GNA14: variants seen among roughly 807,000 people sequenced by gnomAD.
The protein encoded by GNA14 is guanine nucleotide-binding protein subunit alpha-14.
GNA14 carries 50 observed loss-of-function variants against 42.0 expected under a neutral mutation model. The observed-to-expected ratio is 1.19, with a 90% CI of 0.95 to 1.51. GNA14 has a LOEUF of 1.51. GNA14 is among the 40% of genes most tolerant of loss of function. The probability of loss-of-function intolerance (pLI) is 0.00; values close to 1 mark genes in which losing one functional copy is unlikely to be tolerated. For missense variants in GNA14, 473 were observed against 446.2 expected (o/e 1.06, Z -0.54); for synonymous variants, 173 against 163.1 (o/e 1.06, Z -0.46).
chr9:77,505,471 C>A (rs1476213515), intron 2 of GNA14, among the ~76,000 whole-genome samples: 1 of 152,190 alleles, frequency 6.6e-6, no homozygotes, highest in African/African-American at 2.4e-5. Flanking sequence ...CTCTCTCCTC[C>A]ATTTCCCTGC....
At chr9:77,458,682 T>C (rs976303413) in intron 2 of GNA14, among the ~76,000 whole-genome samples, 6 of 152,206 alleles carry the variant, frequency 3.9e-5, no homozygotes, top group African/African-American at 1.4e-4. Context: ...AGAGTAAAGA[T>C]ACTAAAGAAA....
At chr9:77,623,243 A>C (rs1285539309) in intron 1 of GNA14, among the ~76,000 whole-genome samples, 16 of 132,066 alleles carry the variant, frequency 1.2e-4, no homozygotes, top group African/African-American at 5.5e-4. Flanking sequence ...AAAAAAAAAA[A>C]AAAAAAAAAA....
chr9:77,434,306 T>G, intron 3 of GNA14, 62 bp downstream of exon 3: 1 of 1,489,320 alleles, frequency 6.7e-7, no homozygotes. Context: ...AGAAACTTCT[T>G]TGAAGTGTGG....
chr9:77,527,664 G>A (rs1837461594), intron 2 of GNA14, among the ~76,000 whole-genome samples: 1 of 151,952 alleles, frequency 6.6e-6, no homozygotes, highest in South Asian at 2.1e-4. Context: ...ACGGAGTTTC[G>A]CTCTTGTTGC....
chr9:77,435,128 G>A (rs1409586165), intron 2 of GNA14, among the ~76,000 whole-genome samples: 1 of 151,658 alleles, frequency 6.6e-6, no homozygotes, highest in African/African-American at 2.4e-5. Flanking sequence ...GGAGGCCGAG[G>A]CGGGCCGATC....
At chr9:77,548,958 T>C (rs1032007515) in intron 1 of GNA14, among the ~76,000 whole-genome samples, 2 of 152,102 alleles carry the variant, frequency 1.3e-5, no homozygotes, top group African/African-American at 4.8e-5. Context: ...TTTTTTTTTC[T>C]AAGACAGAGT....
chr9:77,439,660 C>A (rs554059892), intron 2 of GNA14, among the ~76,000 whole-genome samples: 2 of 152,084 alleles, frequency 1.3e-5, no homozygotes, highest in Non-Finnish European at 2.9e-5. Context: ...ATGATGATGA[C>A]CCAAAAGAGT....
intron 2 of GNA14, among the ~76,000 whole-genome samples, chr9:77,493,022 A>ATATATAT (rs1183078215): frequency 6.8e-4 from 51 of 74,918 alleles, no homozygotes; most frequent in African/African-American, 2.3e-3. Flanking sequence ...AAAAAAAAAA[A>ATATATAT]AAAAATATAT....
At chr9:77,437,998 C>G (rs1369090891) in intron 2 of GNA14, among the ~76,000 whole-genome samples, 12 of 152,098 alleles carry the variant, frequency 7.9e-5, no homozygotes, top group Admixed American at 7.9e-4. Context: ...AGTGAGATAT[C>G]AAAGAGGAAA....
intron 1 of GNA14, among the ~76,000 whole-genome samples, chr9:77,586,239 A>G (rs1823299596): frequency 6.6e-6 from 1 of 152,206 alleles, no homozygotes; most frequent in South Asian, 2.1e-4. Flanking sequence ...GGGGTCTAGC[A>G]TCCAAAATAT....
chr9:77,607,271 G>A (rs192970959), intron 1 of GNA14, among the ~76,000 whole-genome samples: 8 of 152,282 alleles, frequency 5.3e-5, no homozygotes, highest in South Asian at 2.1e-4. Context: ...TCACACAGAC[G>A]AGAGATGCCA....
chr9:77,498,974 G>C (rs1020395620), intron 2 of GNA14, among the ~76,000 whole-genome samples: 3 of 152,194 alleles, frequency 2.0e-5, no homozygotes, highest in Non-Finnish European at 4.4e-5. Context: ...CAGCTGTGAG[G>C]AATTACATGA....
intron 2 of GNA14, among the ~76,000 whole-genome samples, chr9:77,479,135 C>G (rs555449735): frequency 6.6e-6 from 1 of 151,996 alleles, no homozygotes; most frequent in Non-Finnish European, 1.5e-5. Context: ...AGGTTTTCTT[C>G]TAGGGTTTTT....
At chr9:77,458,844 T>C (rs1836053648) in intron 2 of GNA14, among the ~76,000 whole-genome samples, 1 of 148,526 alleles carries the variant, frequency 6.7e-6, no homozygotes, top group Non-Finnish European at 1.5e-5. Flanking sequence ...TACTGTGCTT[T>C]CCAGAGTTCC....
chr9:77,432,083 T>C (rs1044451042), intron 3 of GNA14, among the ~76,000 whole-genome samples: 18 of 150,912 alleles, frequency 1.2e-4, no homozygotes, highest in African/African-American at 4.1e-4. Context: ...ATTTTTTTTT[T>C]CTGTAGTAAA....
chr9:77,490,370 G>A lies in GNA14; in HGVS notation c.309+38699C>T, dbSNP rs748720635. On this transcript the variant is annotated intron_variant, in intron 2 of 6. Coordinates refer to ENST00000341700, the MANE Select transcript of GNA14 (RefSeq NM_004297.4). ...GCAGGTGGAGCTGCCTGCCTGTCCC[G>A]TGCCATGCGCTCGCACTCCTCAGCC... Among the ~76,000 whole-genome samples, 6 of 152,218 alleles carry A rather than the reference G, an allele frequency of 3.9e-5. No homozygotes were observed. In the South Asian group the frequency reaches 6.2e-4, roughly 16 times the overall value.
chr9:77,608,734 T>TTTTTG (rs1554703072), intron 1 of GNA14, among the ~76,000 whole-genome samples: 1 of 126,632 alleles, frequency 7.9e-6, no homozygotes, highest in African/African-American at 4.8e-5. Context: ...AATATCCTGT[T>TTTTTG]TTTTTTTTTT....
chr9:77,479,536 G>A (rs1219108360), intron 2 of GNA14, among the ~76,000 whole-genome samples: 1 of 152,172 alleles, frequency 6.6e-6, no homozygotes, highest in East Asian at 1.9e-4. Flanking sequence ...GAACTTTAAA[G>A]TAGTTTTATC....
intron 2 of GNA14, among the ~76,000 whole-genome samples, chr9:77,523,057 C>G (rs1837382580): frequency 6.6e-6 from 1 of 152,168 alleles, no homozygotes; most frequent in African/African-American, 2.4e-5. Flanking sequence ...GAGTAAAATG[C>G]TTTCTGAAGA....
Sources: allele counts gnomAD v4.1 joint callset (sites outside exome capture counted in the v4.1 genomes callset), GRCh38; gene constraint gnomAD v4.1.1; transcripts MANE v1.5; gene names NCBI Gene and HGNC (gene_info 2026-07-23, HGNC 2026-07-21).